Variants in NSMCE2 observed in about 807,000 individuals in gnomAD.
NSMCE2 encodes E3 SUMO-protein ligase NSE2.
In NSMCE2, 24 loss-of-function variants were observed where a neutral mutation model predicts 23.8. The observed-to-expected ratio is 1.01, with a 90% CI of 0.73 to 1.42. The LOEUF (loss-of-function observed/expected upper bound fraction) is 1.42. NSMCE2 is among the 40% of genes most tolerant of loss of function. NSMCE2 has a pLI of 0.00. For missense variants in NSMCE2, 284 were observed against 296.5 expected, an observed-to-expected ratio of 0.96 and a Z score of 0.31; for synonymous variants, 92 against 94.1, an observed-to-expected ratio of 0.98 and a Z score of 0.13.
At chr8:125,220,488 A>G (rs1193605454) in intron 5 of NSMCE2, among the ~76,000 whole-genome samples, 1 of 152,182 alleles carries the variant, frequency 6.6e-6, no homozygotes, top group African/African-American at 2.4e-5. Flanking sequence ...TTGTTTTACC[A>G]TAAAATTCTT....
intron 5 of NSMCE2, among the ~76,000 whole-genome samples, chr8:125,269,298 G>A (rs2131079028): frequency 6.6e-6 from 1 of 152,244 alleles, no homozygotes; most frequent in East Asian, 1.9e-4. Context: ...ATGTTGACAG[G>A]CTGGTCTTGA....
intron 5 of NSMCE2, among the ~76,000 whole-genome samples, chr8:125,336,996 C>T (rs1306472042): frequency 6.6e-6 from 1 of 152,234 alleles, no homozygotes; most frequent in East Asian, 1.9e-4. Context: ...ATCTGATCCT[C>T]TTGCCTTTTT....
chr8:125,278,188 T>C (rs1056922573), intron 5 of NSMCE2, among the ~76,000 whole-genome samples: 1 of 152,222 alleles, frequency 6.6e-6, no homozygotes, highest in African/African-American at 2.4e-5. Flanking sequence ...TATTTTGTTT[T>C]GTTTTCTTTT....
chr8:125,107,530 A>G (rs1818524418), intron 3 of NSMCE2, among the ~76,000 whole-genome samples: 1 of 152,122 alleles, frequency 6.6e-6, no homozygotes, highest in Non-Finnish European at 1.5e-5. Flanking sequence ...CATTTGTTTT[A>G]CTATGAGTGC....
intron 5 of NSMCE2, among the ~76,000 whole-genome samples, chr8:125,257,871 G>A (rs1338129173): frequency 6.6e-6 from 1 of 152,130 alleles, no homozygotes; most frequent in African/African-American, 2.4e-5. Context: ...TGCATGGAAA[G>A]TAAGAAAATA....
intron 4 of NSMCE2, among the ~76,000 whole-genome samples, chr8:125,177,419 C>T (rs150007877): frequency 1.3e-5 from 2 of 152,204 alleles, no homozygotes; most frequent in African/African-American, 4.8e-5. Context: ...TTCCCATGAT[C>T]TGCTTCTCAT....
At chr8:125,217,351 A>AT (rs1182912522) in intron 5 of NSMCE2, among the ~76,000 whole-genome samples, 14 of 150,000 alleles carry the variant, frequency 9.3e-5, no homozygotes, top group East Asian at 5.9e-4. Flanking sequence ...TTATTTATTT[A>AT]TTTATTTATT....
chr8:125,116,856 T>C (rs1459663449), intron 3 of NSMCE2, among the ~76,000 whole-genome samples: 1 of 152,060 alleles, frequency 6.6e-6, no homozygotes, highest in Non-Finnish European at 1.5e-5. Context: ...ATATATCTCT[T>C]GATCCAGTTT....
At position 125,182,243 on chromosome 8, in the gene NSMCE2, A is replaced by T; in HGVS notation, c.405A>T (p.Glu135Asp). ...TACAGTTTAAACAACAGCTGAAAGA[A>T]CTAAAGAAGCAATGTAAGTCAACAT... ...KFVQFKQQLKELKKQCGLQAD... is the reference protein window; with the variant it reads ...KFVQFKQQLKDLKKQCGLQAD... The change falls in exon 5 of 8, where the codon GAA becomes GAT. Residue 135 changes from glutamate to aspartate, a missense_variant. Physicochemically the swap from Glu to Asp is conservative, Grantham distance 45. Around this residue, in one of 2 missense-constraint regions of NSMCE2, gnomAD observed 182 missense variants for 155.5 expected, o/e 1.17. Transcript: ENST00000287437. 6.2e-7 allele frequency: 1 copy of T among 1,602,680 alleles called. No individual in the cohort carries two copies. Among genetic ancestry groups the T allele is most frequent in the Non-Finnish European group, 8.5e-7 (1 of 1,176,414 alleles).
chr8:125,203,969 T>C (rs578141912), intron 5 of NSMCE2, among the ~76,000 whole-genome samples: 33 of 152,334 alleles, frequency 2.2e-4, no homozygotes, highest in Middle Eastern at 6.8e-3. Flanking sequence ...CCCTAGTCCT[T>C]ATCGTGTAAT....
At chr8:125,111,799 C>G (rs1400176835) in intron 3 of NSMCE2, among the ~76,000 whole-genome samples, 1 of 150,620 alleles carries the variant, frequency 6.6e-6, no homozygotes, top group Admixed American at 6.6e-5. Flanking sequence ...GACCGTGTCT[C>G]AAAGAAAAAA....
intron 4 of NSMCE2, among the ~76,000 whole-genome samples, chr8:125,161,231 G>A (rs1821607417): frequency 6.6e-6 from 1 of 151,930 alleles, no homozygotes; most frequent in African/African-American, 2.4e-5. Flanking sequence ...TCCTTCTTTT[G>A]TGTTGTGGCC....
intron 5 of NSMCE2, chr8:125,348,048 G>A (rs1320062541): frequency 6.6e-6 from 1 of 152,202 alleles, no homozygotes; most frequent in Non-Finnish European, 1.5e-5. Flanking sequence ...ACAGTATCTT[G>A]TATATGCATG....
At chr8:125,261,807 A>G (rs756354209) in intron 5 of NSMCE2, among the ~76,000 whole-genome samples, 7 of 151,944 alleles carry the variant, frequency 4.6e-5, no homozygotes, top group Non-Finnish European at 7.4e-5. Flanking sequence ...TTAAAAATCA[A>G]TTGTATTGGC....
chr8:125,332,341 A>G (rs933189383), intron 5 of NSMCE2, among the ~76,000 whole-genome samples: 4 of 152,192 alleles, frequency 2.6e-5, no homozygotes, highest in African/African-American at 9.6e-5. Context: ...TTGACCTTAG[A>G]TACATGAGGT....
chr8:125,208,036 G>T lies in NSMCE2; in HGVS notation c.418+25780G>T, dbSNP rs546702769. ...ATGGGAGGGTGGTAGAAAATACTGT[G>T]GCCAGATTGTCAGTCAGCCATCCAG... On this transcript the variant is annotated intron_variant, in intron 5 of 7. Coordinates refer to ENST00000287437, the MANE Select transcript of NSMCE2 (RefSeq NM_173685.4). 2.6e-5 allele frequency among the ~76,000 whole-genome samples: 4 copies of T among 152,314 alleles called. No homozygotes were observed. The South Asian group carries it at 8.3e-4, about 32-fold the overall frequency.
At chr8:125,240,179 G>A (rs1284044282) in intron 5 of NSMCE2, among the ~76,000 whole-genome samples, 1 of 150,492 alleles carries the variant, frequency 6.6e-6, no homozygotes, top group Non-Finnish European at 1.5e-5. Context: ...AGGCTGGAGT[G>A]CAGTGGCAGA....
At position 125,246,810 on chromosome 8, in the gene NSMCE2, C is replaced by CGATATA. The variant is rs1234348775; in HGVS notation, c.418+64561_418+64566dup. Among the ~76,000 whole-genome samples, 72 of 151,992 alleles carry CGATATA rather than the reference C, an allele frequency of 4.7e-4. 1 individual carries two copies. The highest frequency in any genetic ancestry group is 8.5e-4 in the Non-Finnish European group (58 of 67,984). ...TGTACAAGTCTACAACTTGATGTTT[C>CGATATA]GATATAGATATAAATTATGAAATAG... On this transcript the variant is annotated intron_variant, in intron 5 of 7. Transcript: ENST00000287437.
intron 3 of NSMCE2, among the ~76,000 whole-genome samples, chr8:125,105,702 G>A (rs923059566): frequency 6.6e-6 from 1 of 152,140 alleles, no homozygotes; most frequent in African/African-American, 2.4e-5. Flanking sequence ...TAGATGGTAC[G>A]TAAATGAATG....
Sources: allele counts gnomAD v4.1 joint callset (sites outside exome capture counted in the v4.1 genomes callset), GRCh38; gene constraint gnomAD v4.1.1; regional missense constraint gnomAD v4.1.1; transcripts MANE v1.5; gene names NCBI Gene and HGNC (gene_info 2026-07-23, HGNC 2026-07-21).